Variants in LGMN observed in about 807,000 individuals in gnomAD.
LGMN encodes the protein asparaginyl endopeptidase.
In LGMN, 36 loss-of-function variants were observed where a neutral mutation model predicts 56.8. That is an observed-to-expected ratio of 0.63 (90% CI 0.49 to 0.84). The LOEUF (loss-of-function observed/expected upper bound fraction) is 0.84, where lower values mean the gene tolerates loss of function less well. Ranked by LOEUF, LGMN falls within the 40% of genes least tolerant of loss-of-function variation. The probability of loss-of-function intolerance (pLI) is 0.00; values close to 1 mark genes in which losing one functional copy is unlikely to be tolerated. For missense variants in LGMN, 446 were observed against 556.1 expected (o/e 0.80, Z 1.99); for synonymous variants, 199 against 210.1 (o/e 0.95, Z 0.46).
At chr14:92,746,588 T>C (rs1159268396) in intron 1 of LGMN, among the ~76,000 whole-genome samples, 1 of 152,214 alleles carries the variant, frequency 6.6e-6, no homozygotes, top group Non-Finnish European at 1.5e-5. Flanking sequence ...GTATCCTTAG[T>C]GTGGCCTTTC....
At chr14:92,726,803 A>G (rs1358855198) in intron 2 of LGMN, among the ~76,000 whole-genome samples, 7 of 151,984 alleles carry the variant, frequency 4.6e-5, no homozygotes, top group East Asian at 1.9e-4. Flanking sequence ...CTTTGCTCAG[A>G]TGACCTACCC....
chr14:92,706,530 C>A lies in LGMN; in HGVS notation c.1144G>T (p.Ala382Ser), dbSNP rs1441922711. 3 of 1,593,152 alleles carry A rather than the reference C, an allele frequency of 1.9e-6. No homozygotes were observed. Among genetic ancestry groups the A allele is most frequent in the Non-Finnish European group, 2.6e-6 (3 of 1,163,774 alleles). ...CAGTGGGTCCGGAAGTGCAGCAGGG[C>A]CTCTGGGTAGCAGCTGTGCCCCGTG... ...PLTGHSCYPE[A>S]LLHFRTHCFN... Residue 382 changes from alanine to serine, a missense_variant, in exon 12 of 14, where the codon GCC (alanine) becomes TCC (serine). Ala to Ser is a moderately conservative substitution (Grantham distance 99, BLOSUM62 1). Transcript: ENST00000334869.
rs1003260730 is a variant in LGMN, at chr14:92,712,954, C to A, written c.544-83G>T. 5.7e-6 allele frequency: 7 copies of A among 1,233,746 alleles called. No individual in the cohort carries two copies. In the African/African-American group the frequency reaches 7.4e-5, roughly 13 times the overall value. 76.4% of individuals were successfully genotyped at this position (1,233,746 alleles called of 1,614,324 possible). On this transcript the variant is annotated intron_variant, in intron 7 of 13. Transcript: ENST00000334869. ...GCTACTGGAGCTCTGCCCACTCTCT[C>A]TACCCATTCCTAACAAGTCCTCCAG...
chr14:92,746,694 C>T (rs1891833656), intron 1 of LGMN, among the ~76,000 whole-genome samples: 1 of 152,180 alleles, frequency 6.6e-6, no homozygotes, highest in Admixed American at 6.5e-5. Context: ...TCTCTCACAG[C>T]AGCACAGGAA....
intron 10 of LGMN, among the ~76,000 whole-genome samples, chr14:92,710,531 G>A (rs1889706791): frequency 6.6e-6 from 1 of 152,230 alleles, no homozygotes; most frequent in Non-Finnish European, 1.5e-5. Flanking sequence ...CTACAGACTG[G>A]CTCCCAATCA....
intron 2 of LGMN, among the ~76,000 whole-genome samples, chr14:92,726,655 C>T (rs986769395): frequency 2.0e-5 from 3 of 152,154 alleles, no homozygotes; most frequent in African/African-American, 4.8e-5. Flanking sequence ...ACTGGGCCTT[C>T]TCCTCCTAAC....
intron 1 of LGMN, among the ~76,000 whole-genome samples, chr14:92,746,427 CAG>C (rs1239559351): frequency 5.3e-5 from 8 of 152,172 alleles, no homozygotes; most frequent in East Asian, 1.9e-4. Flanking sequence ...CCTCAAGAGA[CAG>C]AGTTTACTTC....
At chr14:92,732,879 G>T in intron 1 of LGMN, 64 bp from the exon 2 acceptor site, 1 of 1,332,472 alleles carries the variant, frequency 7.5e-7, no homozygotes, top group African/African-American at 1.5e-5. Context: ...GGCTGGGCGC[G>T]GTGGCTCACA....
intron 10 of LGMN, 60 bp from the exon 11 acceptor site, chr14:92,709,932 C>CAG (rs976155927): frequency 2.1e-6 from 3 of 1,396,342 alleles, no homozygotes; most frequent in East Asian, 2.4e-5. Context: ...GAGAGAAGGC[C>CAG]AGAGAGAGAG....
chr14:92,709,435 T>C (rs3783934), intron 11 of LGMN, among the ~76,000 whole-genome samples: 98,395 of 152,152 alleles, frequency 0.65, 32,192 homozygotes, highest in East Asian at 0.76. Flanking sequence ...ACAGGGGAGA[T>C]AGGCCCCCAT....
At chr14:92,708,534 G>A (rs903986332) in intron 11 of LGMN, among the ~76,000 whole-genome samples, 1 of 152,092 alleles carries the variant, frequency 6.6e-6, no homozygotes, top group African/African-American at 2.4e-5. Flanking sequence ...TGGTTAATAC[G>A]TTTTTCACAC....
chr14:92,742,183 T>C (rs1891586609), intron 1 of LGMN, among the ~76,000 whole-genome samples: 1 of 152,092 alleles, frequency 6.6e-6, no homozygotes, highest in Non-Finnish European at 1.5e-5. Context: ...CCATGGGCTA[T>C]AAATCCCCAG....
chr14:92,732,577 T>G, intron 2 of LGMN, 72 bp downstream of exon 2: 8 of 1,530,832 alleles, frequency 5.2e-6, no homozygotes, highest in Non-Finnish European at 6.2e-6. Flanking sequence ...TTCTATTTAA[T>G]ATTAACAGTG....
At chr14:92,715,334 G>A (rs1184564465) in intron 5 of LGMN, among the ~76,000 whole-genome samples, 1 of 152,006 alleles carries the variant, frequency 6.6e-6, no homozygotes, top group African/African-American at 2.4e-5. Context: ...TTCTCCTTCA[G>A]CCACCAGAGT....
At chr14:92,735,112 C>T (rs1891236946) in intron 1 of LGMN, among the ~76,000 whole-genome samples, 1 of 152,024 alleles carries the variant, frequency 6.6e-6, no homozygotes, top group Non-Finnish European at 1.5e-5. Flanking sequence ...TGAAAAGTGT[C>T]TTAGACAAGT....
chr14:92,732,607 T>A, intron 2 of LGMN, 42 bp downstream of exon 2: 3 of 1,602,524 alleles, frequency 1.9e-6, no homozygotes, highest in East Asian at 2.2e-5. Context: ...GTTTTCAGAA[T>A]GCCAGTGTCC....
intron 7 of LGMN, among the ~76,000 whole-genome samples, chr14:92,713,398 C>G (rs1889901344): frequency 6.6e-6 from 1 of 152,092 alleles, no homozygotes. Context: ...TGGCCCTGCA[C>G]AGTTTCCATA....
At chr14:92,724,733 C>G (rs935074843) in intron 2 of LGMN, among the ~76,000 whole-genome samples, 27 of 152,222 alleles carry the variant, frequency 1.8e-4, no homozygotes, top group African/African-American at 5.3e-4. Flanking sequence ...CTTCCTAATG[C>G]CTCCCGTGAT....
chr14:92,734,825 G>A (rs533794034), intron 1 of LGMN, among the ~76,000 whole-genome samples: 1 of 152,284 alleles, frequency 6.6e-6, no homozygotes, highest in East Asian at 1.9e-4. Flanking sequence ...AGATGTGTGA[G>A]GCTGACTTCT....
Sources: allele counts gnomAD v4.1 joint callset (sites outside exome capture counted in the v4.1 genomes callset), GRCh38; gene constraint gnomAD v4.1.1; transcripts MANE v1.5; gene names NCBI Gene and HGNC (gene_info 2026-07-23, HGNC 2026-07-21).